The following PEX5 variants were observed in gnomAD, a reference collection of about 807,000 sequenced individuals.
PEX5 encodes peroxisomal biogenesis factor 5, also known as PTS1 receptor.
PEX5 carries 52 observed loss-of-function variants against 82.9 expected under a neutral mutation model. The ratio of observed to expected loss-of-function variants is 0.63; its 90% confidence interval spans 0.50 to 0.79. The LOEUF is 0.79. PEX5 is among the 30% of genes least tolerant of loss of function. PEX5 has a pLI of 0.00. For synonymous variants in PEX5, 300 were observed against 318.8 expected (o/e 0.94, Z 0.63); for missense variants, 719 against 815.2 (o/e 0.88, Z 1.44).
chr12:7,208,213 CTG>C, intron 12 of PEX5, 133 bp downstream of exon 12: 1 of 800,846 alleles, frequency 1.2e-6, no homozygotes, highest in Non-Finnish European at 2.2e-6. Flanking sequence ...TGCTGAAACT[CTG>C]AGGGTTGGAG....
intron 6 of PEX5, among the ~76,000 whole-genome samples, chr12:7,200,918 G>GAGAGGGAGAGGGAGAGA (rs1565699547): frequency 2.0e-5 from 3 of 151,824 alleles, no homozygotes; most frequent in Admixed American, 2.0e-4. Context: ...AGAGGGAGAG[G>GAGAGGGAGAGGGAGAGA]GAGAGGGAGA....
rs141202824 is a variant in PEX5 at position 7,208,548 on chromosome 12, A to G, written c.1273A>G (p.Thr425Ala). 13 of 1,613,892 alleles carry G rather than the reference A, an allele frequency of 8.1e-6. 1 individual carries two copies. In the African/African-American group the frequency reaches 1.7e-4, roughly 22 times the overall value. The change falls in exon 13 of 16, where the codon ACC (threonine) becomes GCC (alanine). Residue 425 changes from threonine to alanine, a missense_variant. Physicochemically the swap from Thr to Ala is moderately conservative, Grantham distance 58. Transcript: ENST00000675855. The stretch of plus-strand genomic sequence containing the variant: ...GTCCCTGCAGCGACAGGCCTGTGAA[A>G]CCCTACGAGACTGGCTGCGGTACAC... Reference protein sequence around the residue: ...NESLQRQACETLRDWLRYTPA... With the variant: ...NESLQRQACEALRDWLRYTPA...
At chr12:7,208,428 A>G in intron 12 of PEX5, 29 bp from the exon 13 acceptor site, 2 of 1,550,336 alleles carry the variant, frequency 1.3e-6, no homozygotes, top group South Asian at 2.2e-5. Flanking sequence ...CATTGCAGAT[A>G]TCAAGTCTGC....
intron 12 of PEX5, 129 bp from the exon 13 acceptor site, chr12:7,208,328 A>G: frequency 1.3e-6 from 1 of 768,498 alleles, no homozygotes; most frequent in Non-Finnish European, 2.3e-6. Context: ...TTATTAACTC[A>G]TGTCAGAGGA....
At chr12:7,208,701 T>A in intron 13 of PEX5, 32 bp downstream of exon 13, 1 of 1,550,526 alleles carries the variant, frequency 6.4e-7, no homozygotes, top group Non-Finnish European at 8.9e-7. Context: ...GATGAGGAAT[T>A]ACAGTAACCT....
At chr12:7,190,722 G>A in intron 2 of PEX5, 166 bp from the exon 3 acceptor site, 1 of 1,349,552 alleles carries the variant, frequency 7.4e-7, no homozygotes, top group Non-Finnish European at 1.1e-6. Flanking sequence ...AATCATAGTA[G>A]TTACCACTTA....
intron 5 of PEX5, among the ~76,000 whole-genome samples, chr12:7,193,527 C>T (rs1373346800): frequency 1.3e-5 from 2 of 152,090 alleles, no homozygotes; most frequent in African/African-American, 2.4e-5. Context: ...ACCGCACGCG[C>T]CCTCACGTTG....
Position 7,191,625 on chromosome 12 carries a change from G to T in PEX5, c.373G>T (p.Ala125Ser). 2 of 1,613,600 alleles carry T rather than the reference G, an allele frequency of 1.2e-6. No individual in the cohort carries two copies. The highest frequency in any genetic ancestry group is 1.7e-6 in the Non-Finnish European group (2 of 1,179,518). ...SENWAQEFLA[A>S]GDAVDVTQDY... ...GAACTGGGCCCAGGAGTTTCTTGCA[G>T]CTGGAGATGCTGTGGATGTAACTCA... is the stretch of plus-strand genomic sequence containing the variant. The change falls in exon 5 of 16, where the codon GCT becomes TCT. Residue 125 changes from alanine (A) to serine (S), a missense_variant. Coordinates refer to ENST00000675855, the MANE Select transcript of PEX5 (RefSeq NM_001351132.2).
At chr12:7,217,244 G>A (rs773764730) in intron 17 of PEX5, among the ~76,000 whole-genome samples, 2 of 152,198 alleles carry the variant, frequency 1.3e-5, no homozygotes, top group South Asian at 4.1e-4. Flanking sequence ...AGTTTGGTTT[G>A]GGATTTACCT....
In PEX5 at chr12:7,217,821, CGA is replaced by C. The variant is rs1945820285; in HGVS notation, c.*20-579_*20-578del. Among the ~76,000 whole-genome samples the C allele has an allele frequency of 2.0e-5, 3 of 152,312 alleles. No individual in the cohort carries two copies. The South Asian group carries it at 6.2e-4, about 32-fold the overall frequency. Reference sequence around the variant, plus strand: ...GGACACTATAGGCCCTGCTGCATAGCGAGTGTCCTGCATGTGCACCTGTACAT... The same window carrying C: ...GGACACTATAGGCCCTGCTGCATAGCGTGTCCTGCATGTGCACCTGTACAT... On this transcript the variant is annotated intron_variant, in intron 17 of 17. Coordinates refer to the PEX5 transcript ENST00000455147.
At chr12:7,204,760 A>T (rs930634178) in intron 10 of PEX5, among the ~76,000 whole-genome samples, 6 of 152,332 alleles carry the variant, frequency 3.9e-5, no homozygotes, top group African/African-American at 1.4e-4. Flanking sequence ...CTAGTTTTGT[A>T]TGAGCAGCAT....
chr12:7,189,773 G>A (rs747915491), intron 1 of PEX5, 23 bp downstream of exon 1: 1 of 426,656 alleles, frequency 2.3e-6, no homozygotes. Flanking sequence ...CCCCGAGGGG[G>A]CCCGGGGCCG....
At chr12:7,199,853 C>A (rs12813834) in intron 6 of PEX5, among the ~76,000 whole-genome samples, 2 of 16,320 alleles carry the variant, frequency 1.2e-4, no homozygotes, top group African/African-American at 1.5e-4. Context: ...ACCTCCCTCC[C>A]GGACGGGGCG....
At position 7,210,669 on chromosome 12, in the gene PEX5, A is replaced by C. The variant is rs1945460797; in HGVS notation, c.*446A>C. The stretch of plus-strand genomic sequence containing the variant: ...GAGGTTCATCTGCTGTGCGCCTCTA[A>C]TGTCTGTCTGGATGGGATGTGTTAG... On this transcript the variant is annotated 3_prime_UTR_variant, in exon 16 of 16. Transcript: ENST00000675855. 3.4e-6 allele frequency: 1 copy of C among 290,414 alleles called. No individual in the cohort carries two copies. The highest frequency in any genetic ancestry group is 6.7e-6 in the Non-Finnish European group (1 of 148,812). The allele number at this position is 290,414 out of a possible 1,614,324, so 18.0% of individuals were successfully genotyped here.
At chr12:7,195,198 G>A (rs947345625) in intron 5 of PEX5, among the ~76,000 whole-genome samples, 7 of 152,192 alleles carry the variant, frequency 4.6e-5, no homozygotes, top group African/African-American at 1.7e-4. Context: ...GAAGGAATGA[G>A]TAAACAACGA....
chr12:7,210,075 G>A lies in PEX5; in HGVS notation c.1772G>A (p.Gly591Asp). The change falls in exon 16 of 16, where the codon GGC (glycine) becomes GAC (aspartate). Residue 591 changes from glycine (G) to aspartate (D), a missense_variant. By Grantham distance (94) the Gly-to-Asp change is moderately conservative. Coordinates refer to ENST00000675855, the MANE Select transcript of PEX5 (RefSeq NM_001351132.2). ...CTGAACATGCAGAGGAAAAGCCGGG[G>A]CCCCCGGGGTGAAGGAGGTGCCATG... ...EALNMQRKSR[G>D]PRGEGGAMSE... 4.3e-6 allele frequency: 7 copies of A among 1,614,224 alleles called. No individual in the cohort carries two copies. The highest frequency in any genetic ancestry group is 5.9e-6 in the Non-Finnish European group (7 of 1,180,046).
chr12:7,201,201 A>G (rs1452154708), intron 6 of PEX5, among the ~76,000 whole-genome samples: 1 of 150,506 alleles, frequency 6.6e-6, no homozygotes, highest in South Asian at 2.1e-4. Context: ...ACATACACAT[A>G]CATGTGCACA....
downstream of PEX5, among the ~76,000 whole-genome samples, chr12:7,214,659 A>G (rs967718358): frequency 4.0e-5 from 6 of 151,294 alleles, no homozygotes; most frequent in African/African-American, 1.2e-4. Context: ...TGGCACATGT[A>G]TACATATGTA....
rs1020114676 is a variant in PEX5, at chr12:7,202,345, G to T, written c.747G>T (p.Gln249His). The change falls in exon 8 of 16, where the codon CAG becomes CAT. Residue 249 changes from glutamine to histidine, a missense_variant. Transcript: ENST00000675855. The part of the protein sequence containing the change: ...QAEQWAAEFI[Q>H]QQGTSDAWVD... ...AACAGTGGGCAGCAGAGTTTATACA[G>T]CAGCAGGTAGGACATTGTCACTTTC... is the stretch of plus-strand genomic sequence containing the variant. 6.2e-7 allele frequency: 1 copy of T among 1,614,104 alleles called. No homozygotes were observed. The highest frequency in any genetic ancestry group is 2.2e-5 in the East Asian group (1 of 44,864).
Sources: allele counts gnomAD v4.1 joint callset (sites outside exome capture counted in the v4.1 genomes callset), GRCh38; gene constraint gnomAD v4.1.1; transcripts MANE v1.5; gene names NCBI Gene and HGNC (gene_info 2026-07-23, HGNC 2026-07-21).